Variants in SLC39A9 observed in about 807,000 individuals in gnomAD.
The protein encoded by SLC39A9 is zinc transporter ZIP9.
In SLC39A9, 14 loss-of-function variants were observed where a neutral mutation model predicts 28.4. That is an observed-to-expected ratio of 0.49 (90% CI 0.33 to 0.77). The LOEUF is 0.77. Among genes scored for constraint, SLC39A9 ranks in the 30% least tolerant of loss-of-function variants. SLC39A9 has a pLI of 0.02. For missense variants in SLC39A9, 283 were observed against 381.1 expected, an observed-to-expected ratio of 0.74 and a Z score of 2.14; for synonymous variants, 119 against 149.6, an observed-to-expected ratio of 0.80 and a Z score of 1.49.
At chr14:69,451,794 C>A (rs145665600) in intron 3 of SLC39A9, among the ~76,000 whole-genome samples, 92 of 152,248 alleles carry the variant, frequency 6.0e-4, no homozygotes, top group African/African-American at 2.1e-3. Flanking sequence ...TAGCTTGTTG[C>A]AGCCTTAAAC....
At chr14:69,422,842 GT>G (rs1372095525) in intron 1 of SLC39A9, among the ~76,000 whole-genome samples, 1 of 152,014 alleles carries the variant, frequency 6.6e-6, no homozygotes, top group African/African-American at 2.4e-5. Context: ...CCTAGTTGTA[GT>G]TTTTAAGATC....
intron 1 of SLC39A9, 142 bp from the exon 2 acceptor site, chr14:69,423,952 T>C (rs1884042621): frequency 1.8e-6 from 1 of 566,598 alleles, no homozygotes; most frequent in South Asian, 2.2e-5. Flanking sequence ...ACTCATGCAA[T>C]TGATCATTTT....
At chr14:69,419,089 T>C (rs1883741171) in intron 1 of SLC39A9, among the ~76,000 whole-genome samples, 2 of 152,122 alleles carry the variant, frequency 1.3e-5, no homozygotes, top group South Asian at 4.2e-4. Flanking sequence ...TCTTTTGTGA[T>C]GTTAGGGTGT....
At chr14:69,427,510 G>C (rs1433950326) in intron 2 of SLC39A9, among the ~76,000 whole-genome samples, 1 of 152,066 alleles carries the variant, frequency 6.6e-6, no homozygotes. Flanking sequence ...CAAATGCATA[G>C]AGAGTGATGT....
At chr14:69,445,419 A>C (rs1462350161) in intron 3 of SLC39A9, among the ~76,000 whole-genome samples, 1 of 152,248 alleles carries the variant, frequency 6.6e-6, no homozygotes, top group East Asian at 1.9e-4. Context: ...TTTTTAAATA[A>C]CATTTTCTTT....
chr14:69,415,864 A>G (rs1340431760), intron 1 of SLC39A9, among the ~76,000 whole-genome samples: 1 of 152,098 alleles, frequency 6.6e-6, no homozygotes, highest in Non-Finnish European at 1.5e-5. Context: ...CCTCAGTCAG[A>G]AGTTCAGTAA....
intron 2 of SLC39A9, chr14:69,441,705 T>A (rs1196016858): frequency 1.5e-6 from 1 of 688,612 alleles, no homozygotes; most frequent in Non-Finnish European, 1.8e-6. Context: ...CCTATTTTCA[T>A]CAGAAAAAAA....
rs763546504 is a variant in SLC39A9, at chr14:69,455,761, C to G, written c.588C>G (p.Phe196Leu). 2 of 1,614,192 alleles carry G rather than the reference C, an allele frequency of 1.2e-6. No homozygotes were observed. Among genetic ancestry groups the G allele is most frequent in the Non-Finnish European group, 1.7e-6 (2 of 1,180,028 alleles). ...KAPAAFGLVS[F>L]LMHAGLERNR... is the part of the protein sequence containing the mutation. ...CAGCTGCTTTTGGACTGGTTTCCTT[C>G]TTGATGCATGCTGGCTTAGAGCGGA... The change falls in exon 6 of 7, where the codon TTC (phenylalanine) becomes TTG (leucine). Residue 196 changes from phenylalanine to leucine, a missense_variant. Physicochemically the swap from Phe to Leu is conservative, Grantham distance 22. Transcript: ENST00000336643.
intron 1 of SLC39A9, among the ~76,000 whole-genome samples, chr14:69,418,867 T>C (rs1406549391): frequency 6.6e-6 from 1 of 152,238 alleles, no homozygotes; most frequent in Non-Finnish European, 1.5e-5. Context: ...CCCTTTATCA[T>C]TTTTTATTGC....
In SLC39A9 at chr14:69,461,426, G is replaced by T; in HGVS notation, c.*2833G>T. ...CACACTATTGCCAAATTTTTTTTTA[G>T]CAAAGATTCTGCACTGGAACGTAGA... is the stretch of plus-strand genomic sequence containing the variant. On this transcript the variant is annotated 3_prime_UTR_variant, in exon 7 of 7. Coordinates refer to ENST00000336643, the MANE Select transcript of SLC39A9 (RefSeq NM_018375.5). The T allele has an allele frequency of 1.6e-6, 2 of 1,262,808 alleles. No individual in the cohort carries two copies. Among genetic ancestry groups the T allele is most frequent in the Non-Finnish European group, 1.0e-6 (1 of 996,300 alleles). The allele number at this position is 1,262,808 out of a possible 1,614,324, so 78.2% of individuals were successfully genotyped here. A position where few individuals can be genotyped will look rare whatever the true frequency, so the allele number is the denominator to read the frequency against.
chr14:69,438,311 G>A (rs940636850), intron 2 of SLC39A9, among the ~76,000 whole-genome samples: 2 of 152,132 alleles, frequency 1.3e-5, no homozygotes, highest in African/African-American at 2.4e-5. Context: ...ATGAGCCACC[G>A]CGCCTGACCC....
intron 3 of SLC39A9, among the ~76,000 whole-genome samples, chr14:69,450,276 T>A (rs980859554): frequency 1.3e-5 from 2 of 152,082 alleles, no homozygotes; most frequent in African/African-American, 4.8e-5. Flanking sequence ...TTCCATACCA[T>A]TCTACTTTCT....
chr14:69,436,214 G>A (rs1352145493), intron 2 of SLC39A9, among the ~76,000 whole-genome samples: 1 of 151,844 alleles, frequency 6.6e-6, no homozygotes, highest in Non-Finnish European at 1.5e-5. Context: ...GACCAGCCTG[G>A]GCAACATAGC....
chr14:69,425,653 G>A (rs1268572474), intron 2 of SLC39A9, among the ~76,000 whole-genome samples: 1 of 151,688 alleles, frequency 6.6e-6, no homozygotes, highest in Non-Finnish European at 1.5e-5. Flanking sequence ...TATAGTTGGG[G>A]GTTTTGGGTT....
chr14:69,448,644 C>T lies in SLC39A9; in HGVS notation c.404-4597C>T, dbSNP rs189135231. 1.8e-3 allele frequency among the ~76,000 whole-genome samples: 277 copies of T among 152,246 alleles called. 1 individual carries two copies. The highest frequency in any genetic ancestry group is 0.01 in the Middle Eastern group (3 of 294). Reference sequence around the variant, plus strand: ...CAGATTAAAGGAGACTAAAGAGTTACAAGTAAGTGAAATGTGTGATTCTAG... The same window carrying T: ...CAGATTAAAGGAGACTAAAGAGTTATAAGTAAGTGAAATGTGTGATTCTAG... On this transcript the variant is annotated intron_variant, in intron 3 of 6. Transcript: ENST00000336643.
At chr14:69,437,688 C>T (rs1385983583) in intron 2 of SLC39A9, among the ~76,000 whole-genome samples, 2 of 150,746 alleles carry the variant, frequency 1.3e-5, no homozygotes, top group African/African-American at 2.4e-5. Flanking sequence ...CTCCCGGGTT[C>T]AAGCAGTTCT....
At chr14:69,410,876 G>A (rs1269185531) in intron 1 of SLC39A9, among the ~76,000 whole-genome samples, 1 of 151,534 alleles carries the variant, frequency 6.6e-6, no homozygotes, top group Non-Finnish European at 1.5e-5. Flanking sequence ...ACTAAAATGG[G>A]CATGGCACAA....
intron 3 of SLC39A9, among the ~76,000 whole-genome samples, chr14:69,444,040 C>T (rs914016198): frequency 6.6e-6 from 1 of 151,234 alleles, no homozygotes; most frequent in African/African-American, 2.4e-5. Flanking sequence ...AAATAAATTA[C>T]CCAAGCATGA....
rs532863663 is a variant in SLC39A9, at chr14:69,444,833, G to C, written c.403+2567G>C. 4.6e-5 allele frequency among the ~76,000 whole-genome samples: 7 copies of C among 152,316 alleles called. No individual in the cohort carries two copies. In the South Asian group the frequency reaches 1.5e-3, roughly 32 times the overall value. On this transcript the variant is annotated intron_variant, in intron 3 of 6. Coordinates refer to ENST00000336643, the MANE Select transcript of SLC39A9 (RefSeq NM_018375.5). ...AGAATAAAGATTCAGGCAGAGCGCAGTGGCTCACCCCTTTAATCCCAGCAT... is the reference window on the plus strand; with the variant it reads ...AGAATAAAGATTCAGGCAGAGCGCACTGGCTCACCCCTTTAATCCCAGCAT...
Sources: gnomAD v4.1 joint callset for allele counts (sites outside exome capture counted in the v4.1 genomes callset) on GRCh38, gnomAD v4.1.1 for gene constraint, MANE v1.5 for transcripts, NCBI Gene and HGNC (gene_info 2026-07-23, HGNC 2026-07-21) for gene names.